The following CNTN4 variants were observed in gnomAD, a reference collection of about 807,000 sequenced individuals.
CNTN4 encodes the protein contactin 4, also known as contactin-4.
Under a neutral mutation model 122.5 loss-of-function variants are expected in CNTN4, and 77 were observed. The observed-to-expected ratio is 0.63, with a 90% CI of 0.52 to 0.76. The LOEUF (loss-of-function observed/expected upper bound fraction) is 0.76. Ranked by LOEUF, CNTN4 falls within the 30% of genes least tolerant of loss-of-function variation. The pLI is 0.00. For synonymous variants in CNTN4, 512 were observed against 447.0 expected (o/e 1.15, Z -1.83); for missense variants, 1,256 against 1,259.1 (o/e 1.00, Z 0.04).
intron 2 of CNTN4, among the ~76,000 whole-genome samples, chr3:2,134,517 T>C (rs976104962): frequency 6.6e-6 from 1 of 152,182 alleles, no homozygotes; most frequent in Non-Finnish European, 1.5e-5. Context: ...TAAAAATTTC[T>C]CGGGTTTCTA....
At chr3:3,001,275 TAAG>T (rs1696014843) in intron 14 of CNTN4, among the ~76,000 whole-genome samples, 1 of 152,102 alleles carries the variant, frequency 6.6e-6, no homozygotes, top group Non-Finnish European at 1.5e-5. Flanking sequence ...AAAAGAAAAA[TAAG>T]GAGTGGAGGA....
chr3:2,894,273 C>G (rs977679927), intron 10 of CNTN4, among the ~76,000 whole-genome samples: 1 of 152,174 alleles, frequency 6.6e-6, no homozygotes, highest in Non-Finnish European at 1.5e-5. Context: ...ATAATGGACT[C>G]TCTTAAGGAA....
intron 7 of CNTN4, among the ~76,000 whole-genome samples, chr3:2,853,095 T>C (rs372110824): frequency 8.6e-5 from 13 of 151,686 alleles, no homozygotes; most frequent in East Asian, 7.7e-4. Flanking sequence ...TGGAGGAAGG[T>C]AAAATAAGTC....
chr3:2,801,255 G>C (rs2150059402), intron 6 of CNTN4, among the ~76,000 whole-genome samples: 1 of 152,308 alleles, frequency 6.6e-6, no homozygotes, highest in East Asian at 1.9e-4. Flanking sequence ...CAGTGAATTT[G>C]TGATGTCTGT....
At chr3:2,463,011 G>C (rs2049285452) in intron 3 of CNTN4, among the ~76,000 whole-genome samples, 1 of 151,848 alleles carries the variant, frequency 6.6e-6, no homozygotes, top group African/African-American at 2.4e-5. Flanking sequence ...ATGTTTCTGA[G>C]ACTTACCATA....
At chr3:2,532,547 G>C (rs2077636720) in intron 3 of CNTN4, among the ~76,000 whole-genome samples, 1 of 152,096 alleles carries the variant, frequency 6.6e-6, no homozygotes. Context: ...AGTAGAAGTT[G>C]ACTAACGAAG....
chr3:2,498,637 C>A (rs562439117), intron 3 of CNTN4, among the ~76,000 whole-genome samples: 2 of 151,976 alleles, frequency 1.3e-5, no homozygotes, highest in African/African-American at 4.8e-5. Flanking sequence ...CATGCCACCA[C>A]GCCCAGCTAA....
At chr3:2,911,072 G>C (rs2094294115) in intron 12 of CNTN4, among the ~76,000 whole-genome samples, 1 of 152,184 alleles carries the variant, frequency 6.6e-6, no homozygotes, top group Non-Finnish European at 1.5e-5. Flanking sequence ...GGAAAGAAAA[G>C]AGTGGAAGGT....
chr3:2,935,274 A>G (rs1267453652), intron 13 of CNTN4, among the ~76,000 whole-genome samples: 2 of 152,212 alleles, frequency 1.3e-5, no homozygotes, highest in Non-Finnish European at 2.9e-5. Context: ...CTCAAGACAT[A>G]TATATGGAAT....
chr3:3,056,194 T>C lies in CNTN4; in HGVS notation c.3055T>C (p.Ser1019Pro). The change falls in exon 25 of 25, where the codon TCC (serine) becomes CCC (proline). Residue 1019 changes from serine to proline, a missense_variant. Coordinates refer to ENST00000418658, the MANE Select transcript of CNTN4 (RefSeq NM_175607.3). ...GTCAGCCATCAGTACAATAATGATT[T>C]CCCTCACAGCTAGGTCCAGTTTATG... ...TLSAISTIMI[S>P]LTARSSL 1.2e-6 allele frequency: 2 copies of C among 1,614,002 alleles called. No individual in the cohort carries two copies. The highest frequency in any genetic ancestry group is 1.7e-6 in the Non-Finnish European group (2 of 1,179,866).
intron 4 of CNTN4, among the ~76,000 whole-genome samples, chr3:2,728,488 T>G (rs963669021): frequency 1.3e-5 from 2 of 152,162 alleles, no homozygotes; most frequent in African/African-American, 4.8e-5. Context: ...AGCAGGACAC[T>G]GAGAGCACAC....
chr3:2,866,026 T>G (rs1433189494), intron 7 of CNTN4, among the ~76,000 whole-genome samples: 1 of 152,166 alleles, frequency 6.6e-6, no homozygotes, highest in Non-Finnish European at 1.5e-5. Flanking sequence ...AGTCAACTAG[T>G]CAGTCAGTGT....
intron 4 of CNTN4, among the ~76,000 whole-genome samples, chr3:2,638,173 T>C (rs1183728935): frequency 1.3e-5 from 2 of 152,222 alleles, no homozygotes; most frequent in Non-Finnish European, 2.9e-5. Flanking sequence ...TCCATTAACT[T>C]CTACCTTAAT....
rs919362707 is a variant in CNTN4 at position 2,187,872 on chromosome 3, A to G, written c.-145+87233A>G. Among the ~76,000 whole-genome samples, 3 of 152,230 alleles carry G rather than the reference A, an allele frequency of 2.0e-5. No individual in the cohort carries two copies. In the South Asian group the frequency reaches 6.2e-4, roughly 32 times the overall value. Reference sequence around the variant, plus strand: ...GGGTTTCTGAGTAGGGAAAGGTGGCATGGTAAAAAGGCCAGGATTGAGATG... The same window carrying G: ...GGGTTTCTGAGTAGGGAAAGGTGGCGTGGTAAAAAGGCCAGGATTGAGATG... On this transcript the variant is annotated intron_variant, in intron 2 of 24. Transcript: ENST00000418658.
chr3:2,231,662 A>G (rs1436236896), intron 2 of CNTN4, among the ~76,000 whole-genome samples: 1 of 152,210 alleles, frequency 6.6e-6, no homozygotes, highest in Non-Finnish European at 1.5e-5. Flanking sequence ...CAAATTGGTT[A>G]TTTTGGGTTA....
chr3:2,244,759 C>T (rs1045822256), intron 2 of CNTN4, among the ~76,000 whole-genome samples: 2 of 151,856 alleles, frequency 1.3e-5, no homozygotes, highest in African/African-American at 2.4e-5. Flanking sequence ...TATGACCCGT[C>T]AGGAGAGAGA....
At chr3:2,604,573 AG>A in intron 4 of CNTN4, among the ~76,000 whole-genome samples, 1 of 152,286 alleles carries the variant, frequency 6.6e-6, no homozygotes, top group South Asian at 2.1e-4. Flanking sequence ...ACTTAAGAAA[AG>A]GGGGGAAATA....
chr3:2,894,287 T>A (rs2094080494), intron 10 of CNTN4, among the ~76,000 whole-genome samples: 1 of 152,172 alleles, frequency 6.6e-6, no homozygotes, highest in Non-Finnish European at 1.5e-5. Context: ...TAAGGAAACC[T>A]GGGGACCTAC....
intron 4 of CNTN4, among the ~76,000 whole-genome samples, chr3:2,617,058 T>C (rs879045269): frequency 6.6e-6 from 1 of 152,134 alleles, no homozygotes; most frequent in Admixed American, 6.5e-5. Context: ...ACCTGGGCAA[T>C]ACCATTCAGG....
Sources: gnomAD v4.1 joint callset for allele counts (sites outside exome capture counted in the v4.1 genomes callset) on GRCh38, gnomAD v4.1.1 for gene constraint, MANE v1.5 for transcripts, NCBI Gene and HGNC (gene_info 2026-07-23, HGNC 2026-07-21) for gene names.